ERBB4: variants seen among roughly 807,000 people sequenced by gnomAD.
ERBB4 encodes receptor tyrosine-protein kinase erbB-4.
A neutral mutation model predicts 158.0 loss-of-function variants in ERBB4; 42 were observed. The ratio of observed to expected loss-of-function variants is 0.27; its 90% CI spans 0.21 to 0.34. The LOEUF (loss-of-function observed/expected upper bound fraction) is 0.34. ERBB4 is among the 10% of genes least tolerant of loss of function. The probability of loss-of-function intolerance (pLI) is 1.00; values close to 1 mark genes in which losing one functional copy is unlikely to be tolerated. For synonymous variants in ERBB4, 583 were observed against 558.7 expected (o/e 1.04, Z -0.61); for missense variants, 1,333 against 1,624.1 (o/e 0.82, Z 3.08).
intron 2 of ERBB4, among the ~76,000 whole-genome samples, chr2:212,037,617 C>T (rs1223431102): frequency 1.3e-5 from 2 of 152,166 alleles, no homozygotes; most frequent in African/African-American, 4.8e-5. Context: ...ATGCCACAGG[C>T]TGAATATTTG....
rs1280299019 is a variant in ERBB4 at position 211,377,419 on chromosome 2, C to G, written c.*6196G>C. The G allele has an allele frequency of 4.3e-6, 1 of 230,330 alleles. No individual in the cohort carries two copies. Among genetic ancestry groups the G allele is most frequent in the African/African-American group, 2.2e-5 (1 of 45,166 alleles). 14.3% of individuals were successfully genotyped at this position (230,330 alleles called of 1,614,324 possible). On this transcript the variant is annotated 3_prime_UTR_variant, in exon 28 of 28. Transcript: ENST00000342788. ...TATTTGCACAAATATAACCACTTCTCATGATATAGGGAAAGCTCACTAGAG... is the reference window on the plus strand; with the variant it reads ...TATTTGCACAAATATAACCACTTCTGATGATATAGGGAAAGCTCACTAGAG...
rs150299661 is a variant in ERBB4 at position 211,650,808 on chromosome 2, G to A, written c.1946+6946C>T. ...ATACCCATATTATTAACATTTCAAC[G>A]TGTCACTGATATAACACATTATTAA... On this transcript the variant is annotated intron_variant, in intron 16 of 27. Transcript: ENST00000342788. Among the ~76,000 whole-genome samples, 595 of 152,144 alleles carry A rather than the reference G, an allele frequency of 3.9e-3. 2 individuals are homozygous for A. Among genetic ancestry groups the A allele is most frequent in the Admixed American group, 6.4e-3 (98 of 15,266 alleles).
chr2:212,110,987 C>T (rs548156167), intron 2 of ERBB4, among the ~76,000 whole-genome samples: 1 of 152,206 alleles, frequency 6.6e-6, no homozygotes, highest in Non-Finnish European at 1.5e-5. Context: ...TGAGCCCTAA[C>T]AGTGTACCTT....
chr2:212,119,218 C>T (rs115898860), intron 2 of ERBB4, among the ~76,000 whole-genome samples: 1,811 of 152,110 alleles, frequency 0.012, 23 homozygotes, highest in African/African-American at 0.04. Flanking sequence ...AATTATTACC[C>T]GTTATAGCAA....
chr2:212,341,723 C>T (rs1372967838), intron 1 of ERBB4, among the ~76,000 whole-genome samples: 2 of 152,030 alleles, frequency 1.3e-5, no homozygotes, highest in Non-Finnish European at 2.9e-5. Context: ...TATTGTAGAA[C>T]ATGAATAAAC....
chr2:212,386,187 G>A (rs1248469423), intron 1 of ERBB4, among the ~76,000 whole-genome samples: 2 of 149,636 alleles, frequency 1.3e-5, no homozygotes, highest in Admixed American at 6.7e-5. Flanking sequence ...GTTTTTTATC[G>A]ACTCCCAAGG....
intron 20 of ERBB4, among the ~76,000 whole-genome samples, chr2:211,557,039 T>C (rs573605462): frequency 6.6e-6 from 1 of 152,310 alleles, no homozygotes; most frequent in South Asian, 2.1e-4. Context: ...TAAATGGGGC[T>C]GTAATAACAA....
At chr2:211,402,966 T>C (rs1274857882) in intron 25 of ERBB4, among the ~76,000 whole-genome samples, 1 of 152,080 alleles carries the variant, frequency 6.6e-6, no homozygotes, top group Admixed American at 6.6e-5. Context: ...GCAATGAAGT[T>C]TAAGCTTTAG....
At chr2:211,495,432 G>A (rs2065445532) in intron 20 of ERBB4, among the ~76,000 whole-genome samples, 1 of 151,992 alleles carries the variant, frequency 6.6e-6, no homozygotes, top group Admixed American at 6.6e-5. Flanking sequence ...ATTTGTATAA[G>A]GATATGTAAA....
chr2:212,137,272 T>A (rs1182311683), intron 1 of ERBB4, among the ~76,000 whole-genome samples: 1 of 152,122 alleles, frequency 6.6e-6, no homozygotes, highest in Non-Finnish European at 1.5e-5. Flanking sequence ...TATTTCATCA[T>A]CCAGGTATTA....
chr2:211,475,895 G>C (rs1056941462), intron 20 of ERBB4, among the ~76,000 whole-genome samples: 2 of 152,108 alleles, frequency 1.3e-5, no homozygotes, highest in Non-Finnish European at 2.9e-5. Context: ...GCTTATGTCA[G>C]ATTATGTAAT....
intron 3 of ERBB4, among the ~76,000 whole-genome samples, chr2:211,795,454 T>C (rs1479243546): frequency 6.6e-6 from 1 of 151,932 alleles, no homozygotes; most frequent in Non-Finnish European, 1.5e-5. Context: ...TATGCTTCTT[T>C]TGAGTATTCA....
intron 1 of ERBB4, among the ~76,000 whole-genome samples, chr2:212,510,525 G>A (rs1372534609): frequency 6.6e-6 from 1 of 151,706 alleles, no homozygotes; most frequent in Admixed American, 6.6e-5. Context: ...ATTTTACTGG[G>A]CATTTAAAAA....
chr2:211,835,920 G>T (rs933186614), intron 3 of ERBB4, among the ~76,000 whole-genome samples: 1 of 152,036 alleles, frequency 6.6e-6, no homozygotes, highest in Non-Finnish European at 1.5e-5. Context: ...CCTTGGGGTT[G>T]CAGGGTTGAA....
chr2:211,820,333 G>C (rs2076967295), intron 3 of ERBB4, among the ~76,000 whole-genome samples: 1 of 151,658 alleles, frequency 6.6e-6, no homozygotes, highest in Admixed American at 6.6e-5. Context: ...AAAACCTAGA[G>C]GAAAAGAATA....
intron 4 of ERBB4, among the ~76,000 whole-genome samples, chr2:211,771,200 G>A (rs1021833917): frequency 2.6e-5 from 4 of 152,154 alleles, no homozygotes; most frequent in Admixed American, 6.5e-5. Flanking sequence ...ACATACCCAC[G>A]ATTGGAAACC....
At chr2:212,452,732 A>G (rs1298344656) in intron 1 of ERBB4, among the ~76,000 whole-genome samples, 1 of 152,172 alleles carries the variant, frequency 6.6e-6, no homozygotes, top group African/African-American at 2.4e-5. Flanking sequence ...AATAGAAAAA[A>G]CTGACTCTAA....
At chr2:211,498,966 A>G (rs2065545239) in intron 20 of ERBB4, among the ~76,000 whole-genome samples, 2 of 152,126 alleles carry the variant, frequency 1.3e-5, no homozygotes, top group African/African-American at 4.8e-5. Context: ...GAATTGCCCA[A>G]CAATGGGTTA....
At chr2:212,089,374 T>G (rs1004525889) in intron 2 of ERBB4, among the ~76,000 whole-genome samples, 7 of 152,280 alleles carry the variant, frequency 4.6e-5, no homozygotes, top group African/African-American at 1.4e-4. Context: ...AATTGCACAT[T>G]TTTAAGTTTG....
Sources: gnomAD v4.1 joint callset for allele counts (sites outside exome capture counted in the v4.1 genomes callset) on GRCh38, gnomAD v4.1.1 for gene constraint, MANE v1.5 for transcripts, NCBI Gene and HGNC (gene_info 2026-07-23, HGNC 2026-07-21) for gene names.